Variants in PRKCE observed in about 807,000 individuals in gnomAD.
PRKCE encodes protein kinase C epsilon type.
In PRKCE, 16 loss-of-function variants were observed where a neutral mutation model predicts 85.4. The observed-to-expected ratio is 0.19, with a 90% CI of 0.13 to 0.28. The LOEUF (loss-of-function observed/expected upper bound fraction) is 0.28, where lower values mean the gene tolerates loss of function less well. PRKCE is among the 10% of genes least tolerant of loss of function. The pLI is 1.00. For synonymous variants in PRKCE, 388 were observed against 371.5 expected (o/e 1.04, Z -0.51); for missense variants, 573 against 975.2 (o/e 0.59, Z 5.49).
chr2:46,096,960 G>T (rs1670746526), intron 11 of PRKCE, among the ~76,000 whole-genome samples: 1 of 152,168 alleles, frequency 6.6e-6, no homozygotes. Flanking sequence ...CTCTGGGGTT[G>T]TTTAGGGGCT....
intron 14 of PRKCE, among the ~76,000 whole-genome samples, chr2:46,169,677 G>C (rs959775826): frequency 2.0e-5 from 3 of 152,198 alleles, no homozygotes; most frequent in African/African-American, 7.2e-5. Context: ...TAGGACTTTA[G>C]CCGCACTCCG....
chr2:46,160,460 T>C (rs916215953), intron 14 of PRKCE, among the ~76,000 whole-genome samples: 1 of 152,250 alleles, frequency 6.6e-6, no homozygotes, highest in Admixed American at 6.5e-5. Context: ...GAGGGTCATG[T>C]TGCAGTCCTT....
At chr2:46,152,912 C>T (rs1240536935) in intron 13 of PRKCE, among the ~76,000 whole-genome samples, 1 of 152,200 alleles carries the variant, frequency 6.6e-6, no homozygotes, top group East Asian at 1.9e-4. Context: ...TCTGAGGGTG[C>T]ATGTACCATG....
At chr2:46,158,119 G>A (rs1677399263) in intron 13 of PRKCE, among the ~76,000 whole-genome samples, 1 of 152,212 alleles carries the variant, frequency 6.6e-6, no homozygotes, top group African/African-American at 2.4e-5. Context: ...AGATAAGACA[G>A]ATTCCTAAAT....
intron 11 of PRKCE, among the ~76,000 whole-genome samples, chr2:46,117,524 C>T (rs1317870427): frequency 1.3e-5 from 2 of 152,150 alleles, no homozygotes; most frequent in African/African-American, 2.4e-5. Context: ...CCGGGCTCCC[C>T]ATGGTACCTT....
intron 2 of PRKCE, among the ~76,000 whole-genome samples, chr2:45,941,975 G>GT (rs1699908245): frequency 6.6e-6 from 1 of 152,190 alleles, no homozygotes; most frequent in South Asian, 2.1e-4. Context: ...GGTAGCTGAA[G>GT]TTTTTTTCTG....
chr2:45,661,730 G>A (rs1487476562), intron 1 of PRKCE, among the ~76,000 whole-genome samples: 4 of 147,322 alleles, frequency 2.7e-5, no homozygotes, highest in Non-Finnish European at 3.0e-5. Flanking sequence ...TAGTAAGGAA[G>A]GGGTTTCACC....
intron 1 of PRKCE, among the ~76,000 whole-genome samples, chr2:45,735,166 C>T (rs1373089198): frequency 6.6e-6 from 1 of 152,170 alleles, no homozygotes; most frequent in Non-Finnish European, 1.5e-5. Flanking sequence ...ATTGCAACAC[C>T]ACATGTGGTC....
intron 1 of PRKCE, among the ~76,000 whole-genome samples, chr2:45,726,243 A>G (rs558690602): frequency 9.2e-5 from 14 of 152,352 alleles, no homozygotes; most frequent in Non-Finnish European, 1.8e-4. Flanking sequence ...ATTGACTCCA[A>G]TTTTGACAGA....
At chr2:46,132,154 C>A (rs1280532316) in intron 11 of PRKCE, among the ~76,000 whole-genome samples, 1 of 152,122 alleles carries the variant, frequency 6.6e-6, no homozygotes, top group Non-Finnish European at 1.5e-5. Flanking sequence ...GTTTGAGATT[C>A]TCTTTTTGGG....
intron 2 of PRKCE, among the ~76,000 whole-genome samples, chr2:45,962,633 C>T (rs544564899): frequency 6.6e-5 from 10 of 152,298 alleles, no homozygotes; most frequent in Admixed American, 5.2e-4. Context: ...CTATTCTTTT[C>T]CCAACATTCT....
chr2:46,172,654 C>G (rs966515038), intron 14 of PRKCE, among the ~76,000 whole-genome samples: 6 of 152,250 alleles, frequency 3.9e-5, no homozygotes, highest in Admixed American at 2.6e-4. Flanking sequence ...GAAGACACCT[C>G]TGGAAAGAGG....
chr2:46,028,145 C>A (rs111272408), intron 10 of PRKCE, among the ~76,000 whole-genome samples: 38 of 152,172 alleles, frequency 2.5e-4, no homozygotes, highest in African/African-American at 9.1e-4. Context: ...TTTTGCCATG[C>A]TGGCCAGGCC....
At chr2:46,094,522 C>A (rs976048980) in intron 11 of PRKCE, among the ~76,000 whole-genome samples, 1 of 151,672 alleles carries the variant, frequency 6.6e-6, no homozygotes, top group South Asian at 2.1e-4. Flanking sequence ...CAAACTAACA[C>A]AGGAACAGAA....
At chr2:45,718,339 C>CTTTT (rs10708579) in intron 1 of PRKCE, among the ~76,000 whole-genome samples, 7 of 83,346 alleles carry the variant, frequency 8.4e-5, no homozygotes, top group Non-Finnish European at 1.1e-4. Context: ...CAAATGCTTA[C>CTTTT]TTTTTTTTTT....
intron 1 of PRKCE, among the ~76,000 whole-genome samples, chr2:45,759,330 G>A (rs913687248): frequency 8.5e-5 from 13 of 152,250 alleles, no homozygotes; most frequent in African/African-American, 3.1e-4. Context: ...ACATTAGGCT[G>A]ACGGGGCCTG....
intron 1 of PRKCE, among the ~76,000 whole-genome samples, chr2:45,773,804 C>G (rs901814207): frequency 6.6e-6 from 1 of 152,172 alleles, no homozygotes; most frequent in African/African-American, 2.4e-5. Flanking sequence ...CCTGGCCATC[C>G]AGAGTGGCCT....
Position 45,774,144 on chromosome 2 carries a change from A to G in PRKCE, c.349-68856A>G, listed in dbSNP as rs1421649558. ...AGATGGGGGCTGGAGGGAGCCAGGG[A>G]CTTGTCATCCTGGGAGTTCCAGGGC... On this transcript the variant is annotated intron_variant, in intron 1 of 14. Coordinates refer to ENST00000306156, the MANE Select transcript of PRKCE (RefSeq NM_005400.3). The surrounding 1 kb of genome is among the most constrained non-coding windows in gnomAD (Gnocchi z 4.3). Among the ~76,000 whole-genome samples, 2 of 151,938 alleles carry G rather than the reference A, an allele frequency of 1.3e-5. No individual in the cohort carries two copies. The highest frequency in any genetic ancestry group is 2.4e-5 in the African/African-American group (1 of 41,364).
chr2:45,771,702 C>CGTGTGT (rs61209033), intron 1 of PRKCE, among the ~76,000 whole-genome samples: 51,219 of 146,496 alleles, frequency 0.35, 10,150 homozygotes, highest in Non-Finnish European at 0.46. Context: ...CAGAGTGGGG[C>CGTGTGT]GTGTGTGTGT....
Sources: gnomAD v4.1 joint callset for allele counts (sites outside exome capture counted in the v4.1 genomes callset) on GRCh38, gnomAD v4.1.1 for gene constraint, Gnocchi (gnomAD v3.1) non-coding constraint, MANE v1.5 for transcripts, NCBI Gene and HGNC (gene_info 2026-07-23, HGNC 2026-07-21) for gene names.